The following ZBTB38 variants were observed in gnomAD, a reference collection of about 807,000 sequenced individuals.
ZBTB38 encodes the protein zinc finger and BTB domain-containing protein 38.
A neutral mutation model predicts 76.8 loss-of-function variants in ZBTB38; 20 were observed. The observed-to-expected ratio is 0.26, with a 90% CI of 0.18 to 0.38. The LOEUF (loss-of-function observed/expected upper bound fraction) is 0.38. ZBTB38 is among the 10% of genes least tolerant of loss of function. The probability of loss-of-function intolerance (pLI) is 1.00; values close to 1 mark genes in which losing one functional copy is unlikely to be tolerated. For missense variants in ZBTB38, 1,082 were observed against 1,482.3 expected (o/e 0.73, Z 4.43); for synonymous variants, 504 against 544.2 (o/e 0.93, Z 1.03).
chr3:141,446,445 T>C lies in ZBTB38; in HGVS notation c.*469T>C, dbSNP rs899457603. The C allele has an allele frequency of 1.3e-5, 2 of 153,468 alleles. No homozygotes were observed. The highest frequency in any genetic ancestry group is 1.3e-4 in the Admixed American group (2 of 15,368). The allele number at this position is 153,468 out of a possible 1,614,324, so 9.5% of individuals were successfully genotyped here. On this transcript the variant is annotated 3_prime_UTR_variant, in exon 6 of 6. Coordinates refer to ENST00000321464, the MANE Select transcript of ZBTB38 (RefSeq NM_001376113.1). ...TTATTCCCATCTGGCTTCTGCACTA[T>C]TAAAATTTGTTTAAATTAATGGATA...
intron 2 of ZBTB38, among the ~76,000 whole-genome samples, chr3:141,380,871 A>C (rs1212172124): frequency 6.6e-6 from 1 of 152,182 alleles, no homozygotes; most frequent in Non-Finnish European, 1.5e-5. Context: ...AAGTCTTGAA[A>C]TATTTGTTGC....
chr3:141,405,278 A>G (rs1953970803), intron 5 of ZBTB38, among the ~76,000 whole-genome samples: 2 of 152,350 alleles, frequency 1.3e-5, no homozygotes, highest in South Asian at 2.1e-4. Context: ...TGTCAGCTCC[A>G]CGGATGTTGG....
intron 5 of ZBTB38, among the ~76,000 whole-genome samples, chr3:141,414,385 G>A (rs948868056): frequency 2.6e-5 from 4 of 152,206 alleles, no homozygotes; most frequent in Admixed American, 6.5e-5. Flanking sequence ...CCTGCAGAGC[G>A]TTGGGCTTGA....
chr3:141,444,922 A>G lies in ZBTB38; in HGVS notation c.2534A>G (p.Asn845Ser), dbSNP rs753718298. 3 of 1,614,192 alleles carry G rather than the reference A, an allele frequency of 1.9e-6. No individual in the cohort carries two copies. In the South Asian group the frequency reaches 3.3e-5, roughly 18 times the overall value. ...PLCQITVKIG[N>S]EAIVKRHILG... ...TGCCAAATAACAGTGAAAATTGGAA[A>G]CGAAGCCATTGTGAAAAGGCACATT... The change falls in exon 6 of 6, where the codon AAC becomes AGC. Residue 845 changes from asparagine (N) to serine (S), a missense_variant. Physicochemically the swap from Asn to Ser is conservative, Grantham distance 46 (BLOSUM62 1). Transcript: ENST00000321464. The surrounding 1 kb of genome is among the most constrained non-coding windows in gnomAD (Gnocchi z 5.1).
chr3:141,378,434 CTA>C (rs1278969495), intron 2 of ZBTB38, among the ~76,000 whole-genome samples: 2 of 152,182 alleles, frequency 1.3e-5, no homozygotes, highest in East Asian at 3.9e-4. Context: ...TTTATTTGAA[CTA>C]TACCAGCATC....
chr3:141,420,770 C>A (rs1008803625), intron 5 of ZBTB38, among the ~76,000 whole-genome samples: 13 of 152,108 alleles, frequency 8.5e-5, no homozygotes, highest in African/African-American at 3.1e-4. Context: ...CCGTCCTGAA[C>A]TTACTGAAAG....
intron 3 of ZBTB38, among the ~76,000 whole-genome samples, chr3:141,385,557 C>A (rs1576860113): frequency 6.6e-6 from 1 of 151,914 alleles, no homozygotes; most frequent in South Asian, 2.1e-4. Flanking sequence ...ACCGTATTTG[C>A]TTATTAGGCA....
chr3:141,387,379 T>A (rs562206642), intron 4 of ZBTB38: 1 of 152,318 alleles, frequency 6.6e-6, no homozygotes, highest in South Asian at 2.1e-4. Flanking sequence ...TAATGTATGT[T>A]GTATTGTTAA....
chr3:141,354,460 G>A (rs1213746866), intron 1 of ZBTB38, among the ~76,000 whole-genome samples: 1 of 151,992 alleles, frequency 6.6e-6, no homozygotes. Context: ...TTCTTCCCTG[G>A]AGTTTCTCTC....
chr3:141,337,955 A>G (rs72986545), intron 1 of ZBTB38, among the ~76,000 whole-genome samples: 38,505 of 152,106 alleles, frequency 0.25, 8,835 homozygotes, highest in African/African-American at 0.6. Flanking sequence ...TATTCATTGA[A>G]TGTCTATCAT....
At position 141,444,534 on chromosome 3, in the gene ZBTB38, G is replaced by T; in HGVS notation, c.2146G>T (p.Val716Phe). ...CAGCTACAGTGGCTCTGCACCCTCG[G>T]TCATTGTACACAGCAGCCAGTTTTC... ...VISYSGSAPSVIVHSSQFSSV... is the reference protein window; with the variant it reads ...VISYSGSAPSFIVHSSQFSSV... Residue 716 changes from valine (V) to phenylalanine (F), a missense_variant, in exon 6 of 6, where the codon GTC becomes TTC. Physicochemically the swap from Val to Phe is conservative, Grantham distance 50. Around this residue, in one of 8 missense-constraint regions of ZBTB38, gnomAD observed 471 missense variants for 581.0 expected, o/e 0.81. Coordinates refer to ENST00000321464, the MANE Select transcript of ZBTB38 (RefSeq NM_001376113.1). The surrounding 1 kb of genome is among the most constrained non-coding windows in gnomAD (Gnocchi z 5.1). The T allele has an allele frequency of 6.2e-7, 1 of 1,614,150 alleles. No individual in the cohort carries two copies. The highest frequency in any genetic ancestry group is 8.5e-7 in the Non-Finnish European group (1 of 1,180,040).
chr3:141,444,024 T>G lies in ZBTB38; in HGVS notation c.1636T>G (p.Ser546Ala), dbSNP rs746182366. 6.2e-7 allele frequency: 1 copy of G among 1,614,020 alleles called. No individual in the cohort carries two copies. Among genetic ancestry groups the G allele is most frequent in the African/African-American group, 1.3e-5 (1 of 74,900 alleles). Reference sequence around the variant, plus strand: ...TTTCCATGCCATCGATCATAGACTTTCCATCAGTAAAAAAACAGCAAATGG... The same window carrying G: ...TTTCCATGCCATCGATCATAGACTTGCCATCAGTAAAAAAACAGCAAATGG... ...KSFHAIDHRL[S>A]ISKKTANGGL... Residue 546 changes from serine (S) to alanine (A), a missense_variant, in exon 6 of 6, where the codon TCC (serine) becomes GCC (alanine). Physicochemically the swap from Ser to Ala is moderately conservative, Grantham distance 99 (BLOSUM62 1). Transcript: ENST00000321464. This position sits in a 1 kb window ranked among gnomAD's most constrained non-coding sequence, Gnocchi z 5.1.
upstream of ZBTB38, among the ~76,000 whole-genome samples, chr3:141,364,339 G>A (rs1329218910): frequency 6.6e-6 from 1 of 151,232 alleles, no homozygotes; most frequent in Non-Finnish European, 1.5e-5. Flanking sequence ...ATCTGATAAG[G>A]GACTTGTGTC....
At chr3:141,412,966 A>G (rs868737015) in intron 5 of ZBTB38, among the ~76,000 whole-genome samples, 6 of 152,314 alleles carry the variant, frequency 3.9e-5, no homozygotes, top group Non-Finnish European at 8.8e-5. Flanking sequence ...TCCTGAGCCT[A>G]TGAAGAGGCG....
intron 1 of ZBTB38, among the ~76,000 whole-genome samples, chr3:141,357,263 G>A (rs1943689472): frequency 6.6e-6 from 1 of 151,830 alleles, no homozygotes. Flanking sequence ...CTTGTGTGTT[G>A]TTTGTTCTAT....
intron 4 of ZBTB38, among the ~76,000 whole-genome samples, chr3:141,400,944 C>A (rs548152472): frequency 6.6e-6 from 1 of 152,292 alleles, no homozygotes; most frequent in East Asian, 1.9e-4. Context: ...CTTCCAGTCA[C>A]AGGGAAACAC....
intron 5 of ZBTB38, chr3:141,432,244 G>C (rs1299667405): frequency 1.0e-6 from 1 of 985,310 alleles, no homozygotes; most frequent in East Asian, 1.1e-4. Flanking sequence ...AGGATTCCAG[G>C]TCAGTATCCT....
chr3:141,391,027 G>A (rs1347875721), intron 4 of ZBTB38, among the ~76,000 whole-genome samples: 1 of 152,074 alleles, frequency 6.6e-6, no homozygotes, highest in Non-Finnish European at 1.5e-5. Flanking sequence ...ACGGTGGCTG[G>A]TGTGCACCTG....
intron 5 of ZBTB38, among the ~76,000 whole-genome samples, chr3:141,417,595 G>C (rs948266916): frequency 6.6e-6 from 1 of 152,066 alleles, no homozygotes; most frequent in African/African-American, 2.4e-5. Flanking sequence ...CCTTCTTTCA[G>C]ACTTTCTCCA....
Sources: allele counts gnomAD v4.1 joint callset (sites outside exome capture counted in the v4.1 genomes callset), GRCh38; gene constraint gnomAD v4.1.1; regional missense constraint gnomAD v4.1.1; non-coding constraint Gnocchi (gnomAD v3.1); transcripts MANE v1.5; gene names NCBI Gene and HGNC (gene_info 2026-07-23, HGNC 2026-07-21).